Variants in CEPT1 observed in about 807,000 individuals in gnomAD.
The protein encoded by CEPT1 is choline/ethanolamine phosphotransferase 1.
Under a neutral mutation model 42.6 loss-of-function variants are expected in CEPT1, and 7 were observed. The ratio of observed to expected loss-of-function variants is 0.16; its 90% CI spans 0.09 to 0.31. The LOEUF (loss-of-function observed/expected upper bound fraction) is 0.31, where lower values mean the gene tolerates loss of function less well. Among genes scored for constraint, CEPT1 ranks in the 10% least tolerant of loss-of-function variants. The pLI is 1.00. For missense variants in CEPT1, 306 were observed against 502.1 expected, an observed-to-expected ratio of 0.61 and a Z score of 3.73; for synonymous variants, 171 against 171.9, an observed-to-expected ratio of 0.99 and a Z score of 0.04.
chr1:111,142,639 C>G (rs564679310), intron 1 of CEPT1, among the ~76,000 whole-genome samples: 2 of 152,136 alleles, frequency 1.3e-5, no homozygotes, highest in East Asian at 3.9e-4. Context: ...TGCTACAGAG[C>G]GAGATCCTGT....
At chr1:111,175,040 G>A in intron 5 of CEPT1, 77 bp downstream of exon 5, 1 of 881,616 alleles carries the variant, frequency 1.1e-6, no homozygotes, top group Non-Finnish European at 1.9e-6. Context: ...GGATAATCCA[G>A]TTAAAGGGTA....
At chr1:111,159,611 A>C (rs1287443441) in intron 3 of CEPT1, 84 bp downstream of exon 3, 3 of 1,016,742 alleles carry the variant, frequency 3.0e-6, no homozygotes, top group Non-Finnish European at 4.2e-6. Context: ...ATGTTTAGTC[A>C]TGAGAATAAG....
chr1:111,165,042 GTCTTTTTTTTT>G (rs1195247224), intron 4 of CEPT1, among the ~76,000 whole-genome samples: 2 of 137,418 alleles, frequency 1.5e-5, no homozygotes, highest in Non-Finnish European at 3.1e-5. Flanking sequence ...TAAAACATCG[GTCTTTTTTTTT>G]TTTTTTTTTT....
chr1:111,165,644 ATAT>A (rs1006147117), intron 4 of CEPT1, among the ~76,000 whole-genome samples: 39 of 152,204 alleles, frequency 2.6e-4, no homozygotes, highest in African/African-American at 9.2e-4. Flanking sequence ...TTCTACACAG[ATAT>A]TATTACAAGT....
At chr1:111,155,100 A>C (rs998540886) in intron 2 of CEPT1, among the ~76,000 whole-genome samples, 7 of 152,132 alleles carry the variant, frequency 4.6e-5, no homozygotes, top group African/African-American at 1.7e-4. Context: ...CAGTAAAGGC[A>C]TTTGGTCCTG....
intron 4 of CEPT1, among the ~76,000 whole-genome samples, chr1:111,171,412 T>G (rs1333253278): frequency 6.6e-6 from 1 of 152,236 alleles, no homozygotes; most frequent in Non-Finnish European, 1.5e-5. Flanking sequence ...GTTTAAATTA[T>G]TCATATTCAT....
chr1:111,181,241 T>C (rs1246372670), intron 5 of CEPT1: 1 of 152,224 alleles, frequency 6.6e-6, no homozygotes. Context: ...GAATCTTGTT[T>C]CTATAATCAT....
At chr1:111,165,955 T>C (rs1330673025) in intron 4 of CEPT1, among the ~76,000 whole-genome samples, 1 of 152,234 alleles carries the variant, frequency 6.6e-6, no homozygotes, top group African/African-American at 2.4e-5. Flanking sequence ...TTTGTTAATG[T>C]ATAATCCACT....
chr1:111,183,598 T>C lies in CEPT1; in HGVS notation c.1131+11T>C. 1.9e-6 allele frequency: 3 copies of C among 1,605,734 alleles called. No individual in the cohort carries two copies. The highest frequency in any genetic ancestry group is 2.6e-6 in the Non-Finnish European group (3 of 1,173,480). ...CTTTGGATTGCCCTGGTAAGTATTG[T>C]ACTAAGTCTTATTTCATGGTTTGAG... is the stretch of plus-strand genomic sequence containing the variant. On this transcript the variant is annotated intron_variant, in intron 8 of 8. Coordinates refer to ENST00000357172, the MANE Select transcript of CEPT1 (RefSeq NM_006090.5).
Position 111,147,745 on chromosome 1 carries a change from T to A in CEPT1, c.31T>A (p.Cys11Ser), listed in dbSNP as rs1225316539. 1 of 1,612,318 alleles carries A rather than the reference T, an allele frequency of 6.2e-7. No homozygotes were observed. Among genetic ancestry groups the A allele is most frequent in the African/African-American group, 1.3e-5 (1 of 74,830 alleles). MSGHRSTRKR[C>S]GDSHPESPVG... ...TGGGCATCGATCAACAAGGAAAAGA[T>A]GTGGAGATTCTCACCCGGAGTCCCC... Residue 11 changes from cysteine to serine, a missense_variant, in exon 2 of 9, where the codon TGT (cysteine) becomes AGT (serine). Around this residue, in one of 2 missense-constraint regions of CEPT1, gnomAD observed 53 missense variants for 54.8 expected, o/e 0.97. Coordinates refer to ENST00000357172, the MANE Select transcript of CEPT1 (RefSeq NM_006090.5).
Position 111,148,579 on chromosome 1 carries a change from A to G in CEPT1, c.339+526A>G, listed in dbSNP as rs549876001. On this transcript the variant is annotated intron_variant, in intron 2 of 8. Transcript: ENST00000357172. ...GGCAAAGGAAGTGTAAGAAAAAGTC[A>G]ATACAATGTATTTCCTATTCTGTAT... Among the ~76,000 whole-genome samples the G allele has an allele frequency of 2.0e-5, 3 of 152,330 alleles. No homozygotes were observed. In the South Asian group the frequency reaches 6.2e-4, roughly 32 times the overall value.
chr1:111,154,528 G>T (rs1329148569), intron 2 of CEPT1, among the ~76,000 whole-genome samples: 2 of 152,076 alleles, frequency 1.3e-5, no homozygotes, highest in African/African-American at 4.8e-5. Flanking sequence ...CCAGTACTAT[G>T]TTGAGTGTGG....
At chr1:111,168,621 T>A (rs180968472) in intron 4 of CEPT1, among the ~76,000 whole-genome samples, 1 of 152,248 alleles carries the variant, frequency 6.6e-6, no homozygotes, top group East Asian at 1.9e-4. Context: ...CCCAAGTAGC[T>A]GTCACTACAG....
At chr1:111,151,600 T>C (rs1655281258) in intron 2 of CEPT1, among the ~76,000 whole-genome samples, 1 of 152,198 alleles carries the variant, frequency 6.6e-6, no homozygotes, top group Non-Finnish European at 1.5e-5. Flanking sequence ...AGAAAGGGAA[T>C]GTTCAGGTTA....
chr1:111,155,598 G>A (rs1362848722), intron 2 of CEPT1, among the ~76,000 whole-genome samples: 2 of 151,888 alleles, frequency 1.3e-5, no homozygotes, highest in Non-Finnish European at 2.9e-5. Flanking sequence ...GGAGTGCAAT[G>A]GCATGATCTT....
intron 4 of CEPT1, among the ~76,000 whole-genome samples, chr1:111,168,135 A>T (rs1482391416): frequency 6.6e-6 from 1 of 152,050 alleles, no homozygotes. Flanking sequence ...CAGCCTTCCA[A>T]AGCACTGGAA....
At chr1:111,169,103 A>C (rs1656288758) in intron 4 of CEPT1, among the ~76,000 whole-genome samples, 1 of 152,256 alleles carries the variant, frequency 6.6e-6, no homozygotes. Flanking sequence ...CAAGGAAAAA[A>C]GTCTGTACGT....
intron 5 of CEPT1, chr1:111,178,396 A>C (rs1380074651): frequency 1.4e-4 from 22 of 152,038 alleles, no homozygotes; most frequent in Admixed American, 1.4e-3. Flanking sequence ...ATTCTTTCCC[A>C]AATTTTTTCC....
rs1657083007 is a variant in CEPT1, at chr1:111,183,312, A to G, written c.1006-150A>G. On this transcript the variant is annotated intron_variant, in intron 7 of 8. Transcript: ENST00000357172. ...ATACATCCCTTTCTTTCTCAGACGC[A>G]TTTCATATTGTTGGGTTTTTAGTTT... 1.8e-5 allele frequency: 15 copies of G among 845,064 alleles called. No individual in the cohort carries two copies. In the South Asian group the frequency reaches 2.3e-4, roughly 13 times the overall value. The allele number at this position is 845,064 out of a possible 1,614,324, so 52.3% of individuals were successfully genotyped here.
Sources: gnomAD v4.1 joint callset for allele counts (sites outside exome capture counted in the v4.1 genomes callset) on GRCh38, gnomAD v4.1.1 for gene constraint, gnomAD v4.1.1 regional missense constraint, MANE v1.5 for transcripts, NCBI Gene and HGNC (gene_info 2026-07-23, HGNC 2026-07-21) for gene names.